GABRA2: variants seen among roughly 807,000 people sequenced by gnomAD.
The protein encoded by GABRA2 is gamma-aminobutyric acid type A receptor subunit alpha2, also known as gamma-aminobutyric acid receptor subunit alpha-2.
In GABRA2, 16 loss-of-function variants were observed where a neutral mutation model predicts 48.7. The observed-to-expected ratio is 0.33, with a 90% confidence interval of 0.22 to 0.50. The LOEUF (loss-of-function observed/expected upper bound fraction) is 0.50. Among genes scored for constraint, GABRA2 ranks in the 20% least tolerant of loss-of-function variants. The probability of loss-of-function intolerance (pLI) is 0.98; values close to 1 mark genes in which losing one functional copy is unlikely to be tolerated. For missense variants in GABRA2, 275 were observed against 535.6 expected (o/e 0.51, Z 4.80); for synonymous variants, 185 against 184.5 (o/e 1.00, Z -0.02).
At chr4:46,321,508 ACT>A (rs1337075305) in intron 4 of GABRA2, among the ~76,000 whole-genome samples, 1 of 152,042 alleles carries the variant, frequency 6.6e-6, no homozygotes, top group African/African-American at 2.4e-5. Flanking sequence ...ATTAAAACTA[ACT>A]CAAACACAAA....
At chr4:46,305,404 A>G (rs541589023) in intron 7 of GABRA2, among the ~76,000 whole-genome samples, 164 bp downstream of exon 7, 1 of 139,794 alleles carries the variant, frequency 7.2e-6, no homozygotes, top group Admixed American at 7.6e-5. Context: ...CCTAAAACTT[A>G]AAGTATAATT....
intron 3 of GABRA2, chr4:46,367,766 G>A (rs1168030264): frequency 6.6e-6 from 1 of 152,208 alleles, no homozygotes; most frequent in Non-Finnish European, 1.5e-5. Context: ...TCACCAAACA[G>A]TTTGTATAAT....
chr4:46,390,158 G>A (rs1423052717), upstream of GABRA2: 9 of 419,848 alleles, frequency 2.1e-5, no homozygotes, highest in Non-Finnish European at 2.9e-5. Context: ...CGGGTAGGAG[G>A]GCTAAGGAGG....
At chr4:46,378,768 A>G (rs1716342936) in intron 3 of GABRA2, among the ~76,000 whole-genome samples, 1 of 151,956 alleles carries the variant, frequency 6.6e-6, no homozygotes, top group Non-Finnish European at 1.5e-5. Flanking sequence ...TGGAGGCCAC[A>G]GTGGGCTGAG....
chr4:46,288,061 A>T (rs1722898571), intron 8 of GABRA2, among the ~76,000 whole-genome samples: 1 of 152,128 alleles, frequency 6.6e-6, no homozygotes, highest in African/African-American at 2.4e-5. Context: ...CTATCATGAG[A>T]ACAGAATGAG....
intron 9 of GABRA2, among the ~76,000 whole-genome samples, chr4:46,251,808 G>C (rs906876619): frequency 6.6e-6 from 1 of 151,368 alleles, no homozygotes; most frequent in Non-Finnish European, 1.5e-5. Context: ...CTTCTGTCTT[G>C]TTCACCTTTG....
intron 3 of GABRA2, among the ~76,000 whole-genome samples, chr4:46,341,443 T>A (rs1005986281): frequency 1.3e-5 from 2 of 152,102 alleles, no homozygotes; most frequent in African/African-American, 2.4e-5. Flanking sequence ...TTGTTGCTGT[T>A]GCTATTTTTT....
chr4:46,385,103 A>ATATATATT (rs1717271474), intron 3 of GABRA2, among the ~76,000 whole-genome samples: 1 of 138,500 alleles, frequency 7.2e-6, no homozygotes, highest in African/African-American at 2.7e-5. Context: ...ATATATATAT[A>ATATATATT]TATATAAACA....
chr4:46,274,788 T>A (rs546779335), intron 8 of GABRA2, among the ~76,000 whole-genome samples: 2 of 152,186 alleles, frequency 1.3e-5, no homozygotes, highest in East Asian at 3.9e-4. Context: ...GATTAAATGA[T>A]GTATGCAGAG....
intron 8 of GABRA2, among the ~76,000 whole-genome samples, chr4:46,275,171 C>G (rs908513730): frequency 3.6e-4 from 54 of 152,058 alleles, no homozygotes; most frequent in Non-Finnish European, 3.1e-4. Flanking sequence ...TCTCATTAAA[C>G]CCATCATCTT....
chr4:46,274,914 G>A (rs1227036892), intron 8 of GABRA2, among the ~76,000 whole-genome samples: 1 of 151,930 alleles, frequency 6.6e-6, no homozygotes, highest in Non-Finnish European at 1.5e-5. Context: ...CCAAAACCAA[G>A]GATGCAAGAG....
At chr4:46,380,866 T>C (rs1716665928) in intron 3 of GABRA2, among the ~76,000 whole-genome samples, 1 of 152,198 alleles carries the variant, frequency 6.6e-6, no homozygotes, top group Non-Finnish European at 1.5e-5. Flanking sequence ...GGAAACATGT[T>C]ATCATACATC....
At chr4:46,365,510 A>C (rs771293943) in intron 3 of GABRA2, 5 of 152,148 alleles carry the variant, frequency 3.3e-5, no homozygotes, top group South Asian at 2.1e-4. Context: ...CCACATTATG[A>C]CATGTTCGCA....
chr4:46,290,150 C>A (rs1312870877), intron 8 of GABRA2, among the ~76,000 whole-genome samples: 1 of 150,778 alleles, frequency 6.6e-6, no homozygotes, highest in Non-Finnish European at 1.5e-5. Context: ...GTGATCCGCC[C>A]GCCTCAGCCT....
At chr4:46,254,635 G>C (rs1308598484) in intron 9 of GABRA2, among the ~76,000 whole-genome samples, 1 of 151,348 alleles carries the variant, frequency 6.6e-6, no homozygotes, top group Non-Finnish European at 1.5e-5. Context: ...TGGGATCAGT[G>C]GGAAGGAGAC....
chr4:46,300,083 CCTTT>C (rs1420414919), intron 8 of GABRA2, among the ~76,000 whole-genome samples: 2 of 151,810 alleles, frequency 1.3e-5, no homozygotes, highest in African/African-American at 2.4e-5. Flanking sequence ...CAATGACTCA[CCTTT>C]CTTTATAGCT....
chr4:46,383,665 T>A (rs1402520223), intron 3 of GABRA2, among the ~76,000 whole-genome samples: 3 of 152,128 alleles, frequency 2.0e-5, no homozygotes, highest in Admixed American at 6.5e-5. Context: ...GTTAAAAAAA[T>A]TTGAGAGAAA....
At chr4:46,351,362 T>A (rs966063086) in intron 3 of GABRA2, among the ~76,000 whole-genome samples, 3 of 152,020 alleles carry the variant, frequency 2.0e-5, no homozygotes, top group African/African-American at 7.2e-5. Flanking sequence ...TGATTGAATG[T>A]TCTAAAAGTC....
At chr4:46,374,738 T>C (rs931608182) in intron 3 of GABRA2, among the ~76,000 whole-genome samples, 4 of 152,094 alleles carry the variant, frequency 2.6e-5, no homozygotes, top group Non-Finnish European at 5.9e-5. Context: ...CATACTTATA[T>C]ATATCAGAAG....
Sources: gnomAD v4.1 joint callset for allele counts (sites outside exome capture counted in the v4.1 genomes callset) on GRCh38, gnomAD v4.1.1 for gene constraint, MANE v1.5 for transcripts, NCBI Gene and HGNC (gene_info 2026-07-23, HGNC 2026-07-21) for gene names.